DCLK2: variants seen among roughly 807,000 people sequenced by gnomAD.
DCLK2 encodes doublecortin like kinase 2.
DCLK2 carries 31 observed loss-of-function variants against 78.4 expected under a neutral mutation model. The ratio of observed to expected loss-of-function variants is 0.40; its 90% CI spans 0.30 to 0.53. DCLK2 has a LOEUF of 0.53. Among genes scored for constraint, DCLK2 ranks in the 20% least tolerant of loss-of-function variants. The pLI is 0.61. For synonymous variants in DCLK2, 407 were observed against 374.9 expected (o/e 1.09, Z -0.99); for missense variants, 872 against 973.7 (o/e 0.90, Z 1.39).
At chr4:150,085,095 G>A (rs913022644) in intron 1 of DCLK2, among the ~76,000 whole-genome samples, 1 of 152,146 alleles carries the variant, frequency 6.6e-6, no homozygotes, top group African/African-American at 2.4e-5. Context: ...AGAGATGGTA[G>A]AGAAATTGCT....
intron 8 of DCLK2, among the ~76,000 whole-genome samples, chr4:150,230,142 T>C (rs1741929391): frequency 6.6e-6 from 1 of 152,198 alleles, no homozygotes; most frequent in Admixed American, 6.5e-5. Context: ...ATATTAGCCA[T>C]TGTCAAGTAG....
chr4:150,129,084 A>G (rs1024574312), intron 2 of DCLK2, among the ~76,000 whole-genome samples: 1 of 152,164 alleles, frequency 6.6e-6, no homozygotes, highest in Non-Finnish European at 1.5e-5. Context: ...GTGTCTGTGA[A>G]GTGCAATTAT....
chr4:150,228,349 A>G (rs1298522823), intron 8 of DCLK2, among the ~76,000 whole-genome samples: 1 of 151,906 alleles, frequency 6.6e-6, no homozygotes, highest in Admixed American at 6.6e-5. Flanking sequence ...TCTCTCTCTC[A>G]CCACTTTCTC....
chr4:150,103,248 A>G (rs1731010906), intron 2 of DCLK2, among the ~76,000 whole-genome samples: 1 of 152,218 alleles, frequency 6.6e-6, no homozygotes, highest in South Asian at 2.1e-4. Context: ...CCCCACTTAC[A>G]TATAATAGGG....
At chr4:150,096,630 G>A (rs905015296) in intron 1 of DCLK2, among the ~76,000 whole-genome samples, 1 of 152,156 alleles carries the variant, frequency 6.6e-6, no homozygotes, top group Non-Finnish European at 1.5e-5. Context: ...AGGGAAAAAA[G>A]GATTTGCATG....
chr4:150,090,934 A>G (rs1730015180), intron 1 of DCLK2, among the ~76,000 whole-genome samples: 1 of 152,162 alleles, frequency 6.6e-6, no homozygotes, highest in Admixed American at 6.5e-5. Flanking sequence ...CATTGAGCAA[A>G]TATGTAAGTA....
intron 13 of DCLK2, 25 bp from the exon 14 acceptor site, chr4:150,248,280 G>A: frequency 6.2e-7 from 1 of 1,602,906 alleles, no homozygotes; most frequent in Non-Finnish European, 8.5e-7. Flanking sequence ...CTCCTCTGTG[G>A]TCTGACTTGT....
At chr4:150,163,430 C>T (rs1373896127) in intron 2 of DCLK2, among the ~76,000 whole-genome samples, 3 of 151,842 alleles carry the variant, frequency 2.0e-5, no homozygotes, top group Non-Finnish European at 2.9e-5. Flanking sequence ...AATAAATAAA[C>T]CAACCAGCCA....
chr4:150,102,833 A>G, intron 2 of DCLK2, 21 bp downstream of exon 2: 1 of 1,571,602 alleles, frequency 6.4e-7, no homozygotes, highest in Non-Finnish European at 8.6e-7. Flanking sequence ...TCTAGCTCCC[A>G]GCTCTCCATC....
intron 2 of DCLK2, among the ~76,000 whole-genome samples, chr4:150,109,335 C>CT (rs199549302): frequency 0.15 from 21,322 of 143,590 alleles, 1,888 homozygotes; most frequent in Non-Finnish European, 0.22. Flanking sequence ...ATGCATTTCC[C>CT]TTTTTTTTTT....
chr4:150,106,972 A>C (rs1285219973), intron 2 of DCLK2, among the ~76,000 whole-genome samples: 1 of 151,816 alleles, frequency 6.6e-6, no homozygotes, highest in Non-Finnish European at 1.5e-5. Flanking sequence ...TAGAGCAGTG[A>C]TTCTCAACCA....
intron 10 of DCLK2, among the ~76,000 whole-genome samples, chr4:150,236,673 T>TA: frequency 6.6e-6 from 1 of 152,322 alleles, no homozygotes; most frequent in South Asian, 2.1e-4. Context: ...TAGAGAGAGA[T>TA]ATATGTATAA....
chr4:150,087,820 C>G (rs1460167393), intron 1 of DCLK2, among the ~76,000 whole-genome samples: 1 of 152,100 alleles, frequency 6.6e-6, no homozygotes, highest in African/African-American at 2.4e-5. Context: ...TCTTTATAGC[C>G]AGTTTTTACA....
At chr4:150,249,043 A>T (rs1019781861) in intron 14 of DCLK2, among the ~76,000 whole-genome samples, 10 of 152,150 alleles carry the variant, frequency 6.6e-5, no homozygotes, top group African/African-American at 2.4e-4. Flanking sequence ...TGTACCTCCA[A>T]TGCCCCACCC....
At chr4:150,133,204 A>G (rs543447517) in intron 2 of DCLK2, among the ~76,000 whole-genome samples, 9 of 152,356 alleles carry the variant, frequency 5.9e-5, no homozygotes, top group Non-Finnish European at 1.0e-4. Flanking sequence ...GAAATGTGCC[A>G]TGACCATGAA....
intron 1 of DCLK2, among the ~76,000 whole-genome samples, chr4:150,097,172 CTTTTT>C (rs35494411): frequency 7.5e-6 from 1 of 134,004 alleles, no homozygotes; most frequent in Non-Finnish European, 1.6e-5. Context: ...AATTTCTAGC[CTTTTT>C]TTTTTTTTTT....
chr4:150,170,115 A>G (rs1423055185), intron 2 of DCLK2, among the ~76,000 whole-genome samples: 1 of 152,160 alleles, frequency 6.6e-6, no homozygotes, highest in Non-Finnish European at 1.5e-5. Context: ...GTACAGTGGC[A>G]TGATCTTGAC....
intron 1 of DCLK2, among the ~76,000 whole-genome samples, chr4:150,088,964 A>C (rs1044361632): frequency 1.3e-5 from 2 of 152,126 alleles, no homozygotes; most frequent in Non-Finnish European, 2.9e-5. Context: ...TGGGGTTAAG[A>C]CCTATGTACA....
intron 10 of DCLK2, among the ~76,000 whole-genome samples, chr4:150,234,539 A>T (rs1356882060): frequency 2.6e-5 from 4 of 152,208 alleles, no homozygotes; most frequent in African/African-American, 9.6e-5. Flanking sequence ...ATATGCATTG[A>T]TGCACAGCAT....
Sources: allele counts gnomAD v4.1 joint callset (sites outside exome capture counted in the v4.1 genomes callset), GRCh38; gene constraint gnomAD v4.1.1; transcripts MANE v1.5; gene names NCBI Gene and HGNC (gene_info 2026-07-23, HGNC 2026-07-21).